DCAF8: variants seen among roughly 807,000 people sequenced by gnomAD.
The protein encoded by DCAF8 is DDB1 and CUL4 associated factor 8, also known as DDB1- and CUL4-associated factor 8.
Under a neutral mutation model 68.0 loss-of-function variants are expected in DCAF8, and 20 were observed. The observed-to-expected ratio is 0.29, with a 90% CI of 0.21 to 0.43. The LOEUF (loss-of-function observed/expected upper bound fraction) is 0.43, where lower values mean the gene tolerates loss of function less well. DCAF8 is among the 20% of genes least tolerant of loss of function. The pLI is 1.00. For synonymous variants in DCAF8, 230 were observed against 276.9 expected (o/e 0.83, Z 1.68); for missense variants, 460 against 771.0 (o/e 0.60, Z 4.78).
At chr1:160,242,171 G>C (rs188034952) in intron 3 of DCAF8, among the ~76,000 whole-genome samples, 243 of 152,078 alleles carry the variant, frequency 1.6e-3, no homozygotes, top group Non-Finnish European at 2.7e-3. Context: ...CTTGAACCTG[G>C]GAGGTGGAGG....
chr1:160,232,987 T>C (rs1655744320), intron 6 of DCAF8, among the ~76,000 whole-genome samples: 1 of 152,134 alleles, frequency 6.6e-6, no homozygotes, highest in Non-Finnish European at 1.5e-5. Flanking sequence ...TAGTCAAATA[T>C]GACATAATGA....
intron 2 of DCAF8, among the ~76,000 whole-genome samples, chr1:160,255,014 A>G (rs550015534): frequency 6.6e-6 from 1 of 152,156 alleles, no homozygotes; most frequent in East Asian, 1.9e-4. Flanking sequence ...CATTTATATT[A>G]TTTTTCTAGT....
rs1273200013 is a variant in DCAF8 at position 160,231,329 on chromosome 1, C to G, written c.1038G>C (p.Gln346His). Residue 346 changes from glutamine (Q) to histidine (H), a missense_variant, in exon 7 of 14, where the codon CAG becomes CAC. Around this residue, in one of 8 missense-constraint regions of DCAF8, gnomAD observed 170 missense variants for 318.2 expected, o/e 0.53. Transcript: ENST00000368074. ...TIYVNPANTHQFAVGGRDQFV... is the reference protein window; with the variant it reads ...TIYVNPANTHHFAVGGRDQFV... ...ACTGATCTCGTCCACCCACTGCAAA[C>G]TGGTGGGTATTGGCAGGATTCACAT... The G allele has an allele frequency of 6.2e-7, 1 of 1,614,084 alleles. No individual in the cohort carries two copies. The highest frequency in any genetic ancestry group is 1.7e-5 in the Admixed American group (1 of 60,020).
In DCAF8 at chr1:160,240,324, C is replaced by T; in HGVS notation, c.96G>A (p.Gly32=). The change falls in exon 4 of 14, where the codon GGG becomes GGA. Residue 32 remains glycine, a synonymous_variant. Coordinates refer to ENST00000368074, the MANE Select transcript of DCAF8 (RefSeq NM_015726.4). ...SPEEMSGAEE[G]RETSSGIEVE... is the part of the protein sequence containing the mutation. ...CTTCAATGCCTGAGGATGTCTCCCT[C>T]CCCTCTTCAGCTCCAGACATCTCCT... is the stretch of plus-strand genomic sequence containing the variant. 6.2e-7 allele frequency: 1 copy of T among 1,613,624 alleles called. No homozygotes were observed. Among genetic ancestry groups the T allele is most frequent in the Non-Finnish European group, 8.5e-7 (1 of 1,179,944 alleles).
intron 8 of DCAF8, 121 bp from the exon 9 acceptor site, chr1:160,225,240 C>G (rs1223506514): frequency 6.3e-6 from 6 of 955,148 alleles, no homozygotes; most frequent in Middle Eastern, 4.3e-4. Flanking sequence ...GAAAGACAGA[C>G]AGAGACAAGA....
intron 2 of DCAF8, among the ~76,000 whole-genome samples, chr1:160,254,920 G>C (rs939398844): frequency 6.6e-6 from 1 of 152,142 alleles, no homozygotes; most frequent in South Asian, 2.1e-4. Context: ...TTTTTCTTTT[G>C]TAAAATGGGA....
chr1:160,218,534 C>T, intron 12 of DCAF8, 94 bp from the exon 13 acceptor site: 1 of 993,242 alleles, frequency 1.0e-6, no homozygotes, highest in Non-Finnish European at 1.6e-6. Context: ...ATAAAAGCTT[C>T]CCTTAAGTTG....
intron 3 of DCAF8, 120 bp from the exon 4 acceptor site, chr1:160,240,490 T>C: frequency 1.1e-6 from 1 of 917,902 alleles, no homozygotes; most frequent in Non-Finnish European, 1.6e-6. Flanking sequence ...GTCCAAGTGT[T>C]TTCATTACAA....
chr1:160,249,796 G>C (rs1266772084), intron 2 of DCAF8, among the ~76,000 whole-genome samples: 3 of 152,152 alleles, frequency 2.0e-5, no homozygotes, highest in Admixed American at 6.6e-5. Context: ...CACACAATGG[G>C]ATACTACTGA....
chr1:160,247,990 T>A (rs1656408513), intron 2 of DCAF8, among the ~76,000 whole-genome samples: 1 of 152,214 alleles, frequency 6.6e-6, no homozygotes, highest in Non-Finnish European at 1.5e-5. Flanking sequence ...AAAAAATTAA[T>A]CAGTTGGATT....
chr1:160,239,317 C>T, intron 4 of DCAF8: 4 of 1,191,966 alleles, frequency 3.4e-6, no homozygotes, highest in Non-Finnish European at 3.3e-6. Context: ...GTTATTAGTC[C>T]CATTTTACAG....
At chr1:160,232,380 C>G (rs903336339) in intron 6 of DCAF8, among the ~76,000 whole-genome samples, 1 of 151,922 alleles carries the variant, frequency 6.6e-6, no homozygotes, top group African/African-American at 2.4e-5. Flanking sequence ...CGGTGGCTCA[C>G]GCCTGTAATC....
chr1:160,244,618 C>A (rs11265363), intron 2 of DCAF8, among the ~76,000 whole-genome samples: 93,531 of 151,080 alleles, frequency 0.62, 29,781 homozygotes, highest in African/African-American at 0.78. Flanking sequence ...TATTATTATT[C>A]TTTCTTTTTT....
At chr1:160,253,520 C>T (rs1313418505) in intron 2 of DCAF8, among the ~76,000 whole-genome samples, 9 of 151,692 alleles carry the variant, frequency 5.9e-5, no homozygotes, top group South Asian at 4.2e-4. Flanking sequence ...CGGTGGCATA[C>T]GCCTGTGATT....
intron 8 of DCAF8, 134 bp downstream of exon 8, chr1:160,225,457 G>A (rs1360038581): frequency 1.5e-6 from 1 of 684,300 alleles, no homozygotes; most frequent in African/African-American, 1.8e-5. Context: ...AAGCTGGTAA[G>A]TGGTAAAGCC....
chr1:160,234,342 GACTC>G (rs1217734010), intron 6 of DCAF8, among the ~76,000 whole-genome samples: 1 of 151,600 alleles, frequency 6.6e-6, no homozygotes, highest in Non-Finnish European at 1.5e-5. Context: ...AAACTTTAAA[GACTC>G]ACTGTCTTTA....
chr1:160,255,021 T>C (rs1459596402), intron 2 of DCAF8, among the ~76,000 whole-genome samples: 2 of 152,222 alleles, frequency 1.3e-5, no homozygotes, highest in Admixed American at 1.3e-4. Flanking sequence ...ATTATTTTTC[T>C]AGTTTCCCAT....
intron 2 of DCAF8, among the ~76,000 whole-genome samples, chr1:160,255,335 T>C (rs1478563617): frequency 6.6e-6 from 1 of 152,218 alleles, no homozygotes; most frequent in Non-Finnish European, 1.5e-5. Flanking sequence ...GGAGTCTCAC[T>C]ATCTTGCCGC....
rs1571074379 is a variant in DCAF8 at position 160,216,266 on chromosome 1, A to C, written c.*1326T>G. 1 of 152,276 alleles carries C rather than the reference A, an allele frequency of 6.6e-6. No individual in the cohort carries two copies. Among genetic ancestry groups the C allele is most frequent in the Non-Finnish European group, 1.5e-5 (1 of 68,048 alleles). The allele number at this position is 152,276 out of a possible 1,614,324, so 9.4% of individuals were successfully genotyped here. On this transcript the variant is annotated 3_prime_UTR_variant, in exon 14 of 14. Transcript: ENST00000368074. ...ATGAAGTTGGATGGCTTAATGATCA[A>C]GCAGCTAAAGGTAAGAGAGACAGAG...
Sources: gnomAD v4.1 joint callset for allele counts (sites outside exome capture counted in the v4.1 genomes callset) on GRCh38, gnomAD v4.1.1 for gene constraint, gnomAD v4.1.1 regional missense constraint, MANE v1.5 for transcripts, NCBI Gene and HGNC (gene_info 2026-07-23, HGNC 2026-07-21) for gene names.